The following LRRN1 variants were observed in gnomAD, a reference collection of about 807,000 sequenced individuals.
The protein encoded by LRRN1 is leucine-rich repeat neuronal protein 1.
In LRRN1, 14 loss-of-function variants were observed where a neutral mutation model predicts 45.8. The ratio of observed to expected loss-of-function variants is 0.31; its 90% CI spans 0.20 to 0.48. The LOEUF is 0.48. Ranked by LOEUF, LRRN1 falls within the 20% of genes least tolerant of loss-of-function variation. LRRN1 has a pLI of 0.99. For synonymous variants in LRRN1, 359 were observed against 330.1 expected, an observed-to-expected ratio of 1.09 and a Z score of -0.95; for missense variants, 789 against 874.2, an observed-to-expected ratio of 0.90 and a Z score of 1.23.
chr3:3,839,484 T>G (rs1451537249), intron 1 of LRRN1, among the ~76,000 whole-genome samples: 2 of 152,170 alleles, frequency 1.3e-5, no homozygotes, highest in Non-Finnish European at 2.9e-5. Context: ...TCTCTTGATC[T>G]TATATGAATT....
In LRRN1 at chr3:3,827,093, A is replaced by G. The variant is rs1251715466; in HGVS notation, c.-278-17271A>G. On this transcript the variant is annotated intron_variant, in intron 1 of 1. Coordinates refer to ENST00000319331, the MANE Select transcript of LRRN1 (RefSeq NM_020873.7). ...CTGTAAATAATAGTAGCTAACATCT[A>G]CTCGGGGCTTGCCATGTGCCAGGCC... 3 of 162,248 alleles carry G rather than the reference A, an allele frequency of 1.8e-5. No individual in the cohort carries two copies. The South Asian group carries it at 5.2e-4, about 28-fold the overall frequency. 10.1% of individuals were successfully genotyped at this position (162,248 alleles called of 1,614,324 possible). A position where few individuals can be genotyped will look rare whatever the true frequency, so the allele number is the denominator to read the frequency against.
intron 1 of LRRN1, among the ~76,000 whole-genome samples, chr3:3,814,814 C>T (rs1240397242): frequency 6.6e-6 from 1 of 152,128 alleles, no homozygotes; most frequent in Non-Finnish European, 1.5e-5. Flanking sequence ...GCAGTCCTCA[C>T]CAGACACCAC....
At chr3:3,813,969 CA>C (rs1692934931) in intron 1 of LRRN1, among the ~76,000 whole-genome samples, 1 of 152,048 alleles carries the variant, frequency 6.6e-6, no homozygotes, top group Non-Finnish European at 1.5e-5. Context: ...ATCATCCCAT[CA>C]CTCAGGCTCA....
At chr3:3,815,362 C>G (rs6767246) in intron 1 of LRRN1, among the ~76,000 whole-genome samples, 2,358 of 152,276 alleles carry the variant, frequency 0.015, 57 homozygotes, top group African/African-American at 0.054. Flanking sequence ...AGCTCCCCAC[C>G]TCCCCTGCCA....
rs1237567281 is a variant in LRRN1 at position 3,816,328 on chromosome 3, A to T, written c.-279+16409A>T. ...ATTAGTTTCAAATGCATACTAAGATAGGGGAACACATTGGCATCAAGGAAA... is the reference window on the plus strand; with the variant it reads ...ATTAGTTTCAAATGCATACTAAGATTGGGGAACACATTGGCATCAAGGAAA... On this transcript the variant is annotated intron_variant, in intron 1 of 1. Transcript: ENST00000319331. This position sits in a 1 kb window ranked among gnomAD's most constrained non-coding sequence, Gnocchi z 4.0. Among the ~76,000 whole-genome samples, 5 of 152,158 alleles carry T rather than the reference A, an allele frequency of 3.3e-5. No individual in the cohort carries two copies. The highest frequency in any genetic ancestry group is 7.4e-5 in the Non-Finnish European group (5 of 68,006).
intron 1 of LRRN1, among the ~76,000 whole-genome samples, chr3:3,838,034 C>T (rs1341362855): frequency 6.6e-6 from 1 of 152,116 alleles, no homozygotes; most frequent in East Asian, 1.9e-4. Flanking sequence ...TGGCTGCCAG[C>T]TTCATCCATG....
At position 3,846,750 on chromosome 3, in the gene LRRN1, G is replaced by A. The variant is rs1182860780; in HGVS notation, c.2109G>A (p.Lys703=). The A allele has an allele frequency of 2.1e-5, 34 of 1,612,922 alleles. No individual in the cohort carries two copies. Among genetic ancestry groups the A allele is most frequent in the Non-Finnish European group, 2.6e-5 (31 of 1,179,766 alleles). The part of the protein sequence containing the change: ...EKDKDGSADT[K]PTQVDTSRSY... ...ACAAAGATGGTTCTGCAGACACCAA[G>A]CCAACCCAGGTCGACACATCCAGAA... Residue 703 remains lysine (K), a synonymous_variant, in exon 2 of 2, where the codon AAG becomes AAA. Coordinates refer to ENST00000319331, the MANE Select transcript of LRRN1 (RefSeq NM_020873.7). This position sits in a 1 kb window ranked among gnomAD's most constrained non-coding sequence, Gnocchi z 5.7.
intron 1 of LRRN1, among the ~76,000 whole-genome samples, chr3:3,810,043 T>C (rs1692843561): frequency 1.3e-5 from 2 of 152,182 alleles, no homozygotes; most frequent in Admixed American, 1.3e-4. Flanking sequence ...GAGTGCTTTA[T>C]GTTTGTCTAG....
chr3:3,840,241 T>C (rs1693619285), intron 1 of LRRN1, among the ~76,000 whole-genome samples: 1 of 152,206 alleles, frequency 6.6e-6, no homozygotes, highest in Non-Finnish European at 1.5e-5. Flanking sequence ...ATCATGTGTT[T>C]TTACTTCTTC....
At chr3:3,820,722 A>C (rs1320039882) in intron 1 of LRRN1, among the ~76,000 whole-genome samples, 2 of 152,232 alleles carry the variant, frequency 1.3e-5, no homozygotes, top group Non-Finnish European at 2.9e-5. Context: ...GAAAGGTCTA[A>C]ATATACTTTG....
At chr3:3,832,884 A>G (rs546177167) in intron 1 of LRRN1, among the ~76,000 whole-genome samples, 1 of 152,220 alleles carries the variant, frequency 6.6e-6, no homozygotes, top group South Asian at 2.1e-4. Context: ...ACCGTGATTA[A>G]TTAGCCAATG....
At chr3:3,832,839 G>A (rs1311913318) in intron 1 of LRRN1, among the ~76,000 whole-genome samples, 3 of 152,172 alleles carry the variant, frequency 2.0e-5, no homozygotes, top group African/African-American at 2.4e-5. Context: ...AAGTAGGAAT[G>A]CAGTAGGCTT....
intron 1 of LRRN1, among the ~76,000 whole-genome samples, chr3:3,830,604 A>G (rs955500239): frequency 2.6e-5 from 4 of 152,208 alleles, no homozygotes; most frequent in Admixed American, 6.5e-5. Flanking sequence ...GGAACTCCCC[A>G]TGAGGCCATC....
intron 1 of LRRN1, among the ~76,000 whole-genome samples, chr3:3,833,154 G>A (rs1275936547): frequency 2.6e-5 from 4 of 152,198 alleles, no homozygotes; most frequent in Non-Finnish European, 5.9e-5. Context: ...ATTTTGCAGG[G>A]CATTGGTCAA....
Position 3,845,157 on chromosome 3 carries a change from C to A in LRRN1, c.516C>A (p.Leu172=), listed in dbSNP as rs1486679548. ...CAGGCTTAAAAAATCTATTAAGGCTCCACCTGAACTCCAACAAATTGAAAG... is the reference window on the plus strand; with the variant it reads ...CAGGCTTAAAAAATCTATTAAGGCTACACCTGAACTCCAACAAATTGAAAG... ...AFAGLKNLLR[L]HLNSNKLKVI... Residue 172 remains leucine (L), a synonymous_variant, in exon 2 of 2, where the codon CTC becomes CTA. Transcript: ENST00000319331. This position sits in a 1 kb window ranked among gnomAD's most constrained non-coding sequence, Gnocchi z 6.5. The A allele has an allele frequency of 1.9e-6, 3 of 1,614,042 alleles. No individual in the cohort carries two copies. The highest frequency in any genetic ancestry group is 2.7e-5 in the African/African-American group (2 of 74,920).
chr3:3,825,947 C>T (rs963345508), intron 1 of LRRN1, among the ~76,000 whole-genome samples: 11 of 151,996 alleles, frequency 7.2e-5, no homozygotes, highest in African/African-American at 2.7e-4. Flanking sequence ...TATTTTTATA[C>T]TTATATTCAG....
At chr3:3,824,602 A>C (rs566219640) in intron 1 of LRRN1, among the ~76,000 whole-genome samples, 1 of 152,224 alleles carries the variant, frequency 6.6e-6, no homozygotes, top group East Asian at 1.9e-4. Flanking sequence ...CCCCCAACCT[A>C]CCTAAGCAAA....
intron 1 of LRRN1, among the ~76,000 whole-genome samples, chr3:3,803,130 T>C (rs1195211605): frequency 1.3e-5 from 2 of 152,216 alleles, no homozygotes; most frequent in Non-Finnish European, 2.9e-5. Context: ...AACTCAACCA[T>C]TGATCTCTCT....
chr3:3,838,535 G>C (rs1188018381), intron 1 of LRRN1, among the ~76,000 whole-genome samples: 1 of 152,098 alleles, frequency 6.6e-6, no homozygotes, highest in Non-Finnish European at 1.5e-5. Context: ...AATTCTTTTG[G>C]ATATGTACCC....
Sources: gnomAD v4.1 joint callset for allele counts (sites outside exome capture counted in the v4.1 genomes callset) on GRCh38, gnomAD v4.1.1 for gene constraint, Gnocchi (gnomAD v3.1) non-coding constraint, MANE v1.5 for transcripts, NCBI Gene and HGNC (gene_info 2026-07-23, HGNC 2026-07-21) for gene names.